The following PLAAT3 variants were observed in gnomAD, a reference collection of about 807,000 sequenced individuals.
PLAAT3 encodes phospholipase A and acyltransferase 3.
Under a neutral mutation model 16.7 loss-of-function variants are expected in PLAAT3, and 21 were observed. That is an observed-to-expected ratio of 1.26 (90% CI 0.89 to 1.81). The LOEUF (loss-of-function observed/expected upper bound fraction) is 1.81. Ranked by LOEUF, PLAAT3 falls within the 40% of genes most tolerant of loss-of-function variation. The pLI is 0.00. For missense variants in PLAAT3, 219 were observed against 213.7 expected (o/e 1.02, Z -0.16); for synonymous variants, 76 against 81.7 (o/e 0.93, Z 0.38).
intron 2 of PLAAT3, among the ~76,000 whole-genome samples, chr11:63,606,737 C>T (rs575235795): frequency 4.7e-4 from 72 of 152,190 alleles, no homozygotes; most frequent in African/African-American, 1.7e-3. Flanking sequence ...TGAGCAACAG[C>T]AAGGAGGCCA....
upstream of PLAAT3, among the ~76,000 whole-genome samples, chr11:63,614,921 A>G (rs1938793795): frequency 6.7e-6 from 1 of 149,668 alleles, no homozygotes; most frequent in South Asian, 2.1e-4. Context: ...AGGCTGAGGC[A>G]GGAGAATCAC....
At chr11:63,578,382 A>G (rs1281138275) in intron 4 of PLAAT3, among the ~76,000 whole-genome samples, 1 of 152,248 alleles carries the variant, frequency 6.6e-6, no homozygotes, top group Admixed American at 6.5e-5. Flanking sequence ...ATTTTATAGC[A>G]TTGGGTAAAG....
At position 63,606,736 on chromosome 11, in the gene PLAAT3, G is replaced by C. The variant is rs570193576; in HGVS notation, c.15+7264C>G. The stretch of plus-strand genomic sequence containing the variant: ...CAGCGGGGCGCGTGTCTGAGCAACA[G>C]CAAGGAGGCCAACGAGGCCGGAGTA... On this transcript the variant is annotated intron_variant, in intron 2 of 4. Coordinates refer to ENST00000415826, the MANE Select transcript of PLAAT3 (RefSeq NM_001128203.2). Among the ~76,000 whole-genome samples, 671 of 152,334 alleles carry C rather than the reference G, an allele frequency of 4.4e-3. 3 individuals are homozygous for C. Among genetic ancestry groups the C allele is most frequent in the Middle Eastern group, 0.031 (9 of 294 alleles).
intron 2 of PLAAT3, among the ~76,000 whole-genome samples, chr11:63,604,489 G>A (rs753081759): frequency 8.6e-5 from 13 of 151,970 alleles, no homozygotes; most frequent in Admixed American, 2.0e-4. Context: ...TAGGCCGGGC[G>A]CGGGGGCTCA....
chr11:63,593,728 C>T (rs1453944234), intron 3 of PLAAT3, among the ~76,000 whole-genome samples: 6 of 152,040 alleles, frequency 3.9e-5, no homozygotes, highest in Non-Finnish European at 5.9e-5. Context: ...TACAGTGGCG[C>T]GTCACCATGC....
intron 2 of PLAAT3, 32 bp downstream of exon 2, chr11:63,613,968 C>A (rs765723549): frequency 7.3e-7 from 1 of 1,376,912 alleles, no homozygotes; most frequent in South Asian, 1.2e-5. Flanking sequence ...GGGCTCCCAG[C>A]CCCGCCCAGC....
chr11:63,580,325 A>C (rs952704991), intron 4 of PLAAT3, among the ~76,000 whole-genome samples: 3 of 152,210 alleles, frequency 2.0e-5, no homozygotes, highest in Non-Finnish European at 4.4e-5. Flanking sequence ...TAAGCTTACA[A>C]ATGGAGTTAA....
chr11:63,598,269 C>T, intron 2 of PLAAT3, 106 bp from the exon 3 acceptor site: 1 of 745,956 alleles, frequency 1.3e-6, no homozygotes, highest in Non-Finnish European at 2.4e-6. Flanking sequence ...ATCAGCTCAG[C>T]AGAACATATG....
At chr11:63,605,109 T>C (rs915815635) in intron 2 of PLAAT3, among the ~76,000 whole-genome samples, 3 of 152,186 alleles carry the variant, frequency 2.0e-5, no homozygotes, top group African/African-American at 7.2e-5. Flanking sequence ...CGTTCAAAAT[T>C]GAGGCCGGGC....
intron 2 of PLAAT3, among the ~76,000 whole-genome samples, chr11:63,605,514 C>T (rs1019381006): frequency 2.0e-5 from 3 of 152,160 alleles, no homozygotes; most frequent in Non-Finnish European, 4.4e-5. Context: ...TCCATCTATT[C>T]ATTCCCTCTG....
intron 2 of PLAAT3, among the ~76,000 whole-genome samples, chr11:63,610,253 G>A (rs549423402): frequency 5.9e-5 from 9 of 152,176 alleles, no homozygotes; most frequent in African/African-American, 1.7e-4. Flanking sequence ...CTCATCCCTC[G>A]AGATGGGCTC....
upstream of PLAAT3, among the ~76,000 whole-genome samples, chr11:63,615,076 GTGTGTATATA>G (rs1938808734): frequency 6.3e-5 from 2 of 31,680 alleles, no homozygotes; most frequent in African/African-American, 1.3e-4. Flanking sequence ...GTGTATATAT[GTGTGTATATA>G]TGTGTATATA....
At position 63,575,036 on chromosome 11, in the gene PLAAT3, A is replaced by G; in HGVS notation, c.398T>C (p.Val133Ala). 1 of 1,608,402 alleles carries G rather than the reference A, an allele frequency of 6.2e-7. No homozygotes were observed. The highest frequency in any genetic ancestry group is 8.5e-7 in the Non-Finnish European group (1 of 1,174,844). Residue 133 changes from valine to alanine, a missense_variant, in exon 5 of 5, where the codon GTC becomes GCC. By Grantham distance (64) the Val-to-Ala change is moderately conservative (BLOSUM62 0). Transcript: ENST00000415826. ...TCCTGCAACGCTTGCAGCGATGATG[A>G]CATCTCTGACCTGCAACAAAGAAGA... ...GVARSDQVRD[V>A]IIAASVAGMG...
chr11:63,594,376 G>T (rs1938229862), intron 3 of PLAAT3, among the ~76,000 whole-genome samples: 1 of 152,150 alleles, frequency 6.6e-6, no homozygotes, highest in South Asian at 2.1e-4. Flanking sequence ...GAGAGAGGAG[G>T]AGGAGCCCAC....
upstream of PLAAT3, among the ~76,000 whole-genome samples, chr11:63,614,907 C>T (rs61929728): frequency 0.11 from 16,197 of 149,270 alleles, 1,027 homozygotes; most frequent in Middle Eastern, 0.19. Context: ...CCCAGCTACT[C>T]GGGAGGCTGA....
intron 3 of PLAAT3, among the ~76,000 whole-genome samples, chr11:63,596,789 G>T (rs1199288607): frequency 1.3e-5 from 2 of 152,054 alleles, no homozygotes; most frequent in South Asian, 4.1e-4. Context: ...GTTCTCACAA[G>T]ATCTGATGGT....
intron 2 of PLAAT3, among the ~76,000 whole-genome samples, chr11:63,606,355 G>A (rs1418489417): frequency 1.3e-5 from 2 of 152,038 alleles, no homozygotes; most frequent in African/African-American, 2.4e-5. Flanking sequence ...GGAGGCCGAG[G>A]CGGGTGGATC....
At chr11:63,596,727 G>C (rs1380193329) in intron 3 of PLAAT3, among the ~76,000 whole-genome samples, 1 of 152,030 alleles carries the variant, frequency 6.6e-6, no homozygotes, top group East Asian at 1.9e-4. Flanking sequence ...TATGGGAGGT[G>C]ACTGAATCAT....
Position 63,598,118 on chromosome 11 carries a change from A to C in PLAAT3, c.61T>G (p.Tyr21Asp), listed in dbSNP as rs1938340442. Residue 21 changes from tyrosine to aspartate, a missense_variant, in exon 3 of 5, where the codon TAC becomes GAC. Coordinates refer to ENST00000415826, the MANE Select transcript of PLAAT3 (RefSeq NM_001128203.2). The stretch of plus-strand genomic sequence containing the variant: ...CCAACATAGATGGCCCAGTGTCTGT[A>C]GAAAGGGCGAAAAATCTCAATCAGG... ...GDLIEIFRPF[Y>D]RHWAIYVGDG... is the part of the protein sequence containing the mutation. The C allele has an allele frequency of 6.2e-7, 1 of 1,614,044 alleles. No individual in the cohort carries two copies. The highest frequency in any genetic ancestry group is 1.3e-5 in the African/African-American group (1 of 74,940).
Sources: allele counts gnomAD v4.1 joint callset (sites outside exome capture counted in the v4.1 genomes callset), GRCh38; gene constraint gnomAD v4.1.1; transcripts MANE v1.5; gene names NCBI Gene and HGNC (gene_info 2026-07-23, HGNC 2026-07-21).